The following IKBKG variants were observed in gnomAD, a reference collection of about 807,000 sequenced individuals.
IKBKG encodes NF-kappa-B essential modulator.
IKBKG carries 2 observed loss-of-function variants against 13.7 expected under a neutral mutation model. The observed-to-expected ratio is 0.15, with a 90% CI of 0.06 to 0.46. The LOEUF (loss-of-function observed/expected upper bound fraction) is 0.46. Ranked by LOEUF, IKBKG falls within the 20% of genes least tolerant of loss-of-function variation. The pLI is 0.98. For synonymous variants in IKBKG, 22 were observed against 64.4 expected, an observed-to-expected ratio of 0.34 and a Z score of 3.15; for missense variants, 53 against 150.3, an observed-to-expected ratio of 0.35 and a Z score of 3.39.
chrX:154,552,578 G>T (rs1369612651), intron 2 of IKBKG, among the ~76,000 whole-genome samples: 1 of 109,432 alleles, frequency 9.1e-6, no homozygotes, highest in East Asian at 2.9e-4. Flanking sequence ...GGGCAGAGTC[G>T]GCGCTGGGAA....
chrX:154,551,438 G>A (rs1295628461), intron 1 of IKBKG, among the ~76,000 whole-genome samples: 4 of 110,768 alleles, frequency 3.6e-5, no homozygotes, highest in Non-Finnish European at 5.7e-5. Flanking sequence ...CTCCCCTTGC[G>A]TCTCCCTCTG....
upstream of IKBKG, chrX:154,542,409 G>C: frequency 8.3e-7 from 1 of 1,200,754 alleles, no homozygotes; most frequent in Non-Finnish European, 1.1e-6. Context: ...TGCTGTTCCA[G>C]GCGCACACTA....
intron 2 of IKBKG, among the ~76,000 whole-genome samples, chrX:154,552,866 C>T (rs2070971410): frequency 8.9e-6 from 1 of 112,378 alleles, no homozygotes; most frequent in African/African-American, 3.2e-5. Flanking sequence ...GGCTCAGCTG[C>T]ACGCTCCTGC....
chrX:154,550,298 A>T (rs2070895398), intron 1 of IKBKG, among the ~76,000 whole-genome samples: 1 of 103,728 alleles, frequency 9.6e-6, no homozygotes, highest in Non-Finnish European at 2.0e-5. Flanking sequence ...GAGAGAATCA[A>T]AAAAGACTTT....
At chrX:154,543,149 G>GA (rs1372468479), upstream of IKBKG, among the ~76,000 whole-genome samples, 6 of 112,034 alleles carry the variant, frequency 5.4e-5, no homozygotes, top group African/African-American at 1.6e-4. Flanking sequence ...GCAGGAAGAG[G>GA]AAAAAACAAA....
intron 2 of IKBKG, among the ~76,000 whole-genome samples, chrX:154,552,691 C>T (rs1557235349): frequency 9.0e-6 from 1 of 110,658 alleles, no homozygotes; most frequent in African/African-American, 3.3e-5. Flanking sequence ...AGGTGCGTGG[C>T]CCCCACAGGC....
At chrX:154,547,467 C>T, upstream of IKBKG, 1 of 755,180 alleles carries the variant, frequency 1.3e-6, no homozygotes, top group Non-Finnish European at 1.6e-6. Context: ...CTTATCATTA[C>T]CGAGCTTCCG....
At position 154,552,033 on chromosome X, in the gene IKBKG, T is replaced by C; in HGVS notation, c.31T>C (p.Cys11Arg). Residue 11 changes from cysteine to arginine, a missense_variant, in exon 2 of 10, where the codon TGT becomes CGT. Cys to Arg is a radical substitution (Grantham distance 180, BLOSUM62 -3). Coordinates refer to ENST00000594239, the MANE Select transcript of IKBKG (RefSeq NM_001099857.5). ...TAGGCACCTCTGGAAGAGCCAACTG[T>C]GTGAGATGGTGCAGCCCAGTGGTGG... MNRHLWKSQL[C>R]EMVQPSGGPA... 8.9e-7 allele frequency: 1 copy of C among 1,129,160 alleles called. No homozygotes were observed. Among genetic ancestry groups the C allele is most frequent in the African/African-American group, 1.8e-5 (1 of 55,394 alleles). 93.1% of individuals were successfully genotyped at this position (1,129,160 alleles called of 1,213,427 possible).
At chrX:154,541,618 G>A (rs1397056880) in intron 1 of IKBKG, among the ~76,000 whole-genome samples, 2 of 111,682 alleles carry the variant, frequency 1.8e-5, no homozygotes, top group Non-Finnish European at 3.8e-5. Context: ...ATGTGGGTGG[G>A]GGCAATTCAA....
chrX:154,544,414 C>T (rs1032634476), upstream of IKBKG, among the ~76,000 whole-genome samples: 2 of 111,433 alleles, frequency 1.8e-5, no homozygotes, highest in Admixed American at 1.9e-4. Context: ...CCCACCTTGG[C>T]CCCCCAAAGT....
intron 1 of IKBKG, among the ~76,000 whole-genome samples, chrX:154,551,112 AT>A (rs55905799): frequency 0.027 from 2,344 of 88,295 alleles, 43 homozygotes; most frequent in Non-Finnish European, 0.04. Context: ...GTGACCGGCA[AT>A]TTTTTTTTTT....
rs782141440 is a variant in IKBKG at position 154,552,135 on chromosome X, C to G, written c.133C>G (p.Gln45Glu). ...AGCCATGCTGCACCTGCCTTCAGAA[C>G]AGGGCGCTCCTGAGACCCTCCAGCG... Reference protein sequence around the residue: ...KPAMLHLPSEQGAPETLQRCL... With the variant: ...KPAMLHLPSEEGAPETLQRCL... The change falls in exon 2 of 10, where the codon CAG becomes GAG. Residue 45 changes from glutamine (Q) to glutamate (E), a missense_variant. By Grantham distance (29) the Gln-to-Glu change is conservative (BLOSUM62 2). This residue lies in a region of IKBKG where 47 missense variants were observed against 50.0 expected (regional missense o/e 0.94). Transcript: ENST00000594239. 8.4e-7 allele frequency: 1 copy of G among 1,194,338 alleles called. No individual in the cohort carries two copies. The highest frequency in any genetic ancestry group is 1.1e-6 in the Non-Finnish European group (1 of 883,661).
upstream of IKBKG, chrX:154,547,415 G>A (rs2070774423): frequency 1.3e-6 from 1 of 754,164 alleles, no homozygotes; most frequent in African/African-American, 2.3e-5. Context: ...CGAGAGACGA[G>A]GGGGCGTGTA....
At chrX:154,549,624 C>T (rs2070872960) in intron 1 of IKBKG, among the ~76,000 whole-genome samples, 1 of 111,441 alleles carries the variant, frequency 9.0e-6, no homozygotes, top group African/African-American at 3.3e-5. Context: ...ATTAGCATGT[C>T]ACACAGTTCA....
At chrX:154,541,640 T>A (rs1301411550) in intron 1 of IKBKG, among the ~76,000 whole-genome samples, 3 of 111,653 alleles carry the variant, frequency 2.7e-5, no homozygotes, top group Admixed American at 1.9e-4. Flanking sequence ...GGGTCCTTAG[T>A]GAAAAGCAGT....
chrX:154,555,329 C>T (rs782369119), intron 2 of IKBKG, among the ~76,000 whole-genome samples: 49 of 111,665 alleles, frequency 4.4e-4, no homozygotes, highest in African/African-American at 1.5e-3. Context: ...GAGATGTAGG[C>T]CAGGGAGGAC....
At chrX:154,554,912 TAGTTGCTATAG>T (rs2071021806) in intron 2 of IKBKG, among the ~76,000 whole-genome samples, 1 of 111,174 alleles carries the variant, frequency 9.0e-6, no homozygotes, top group South Asian at 3.8e-4. Context: ...TCCAGCTCTG[TAGTTGCTATAG>T]AGTTGCTAGA....
upstream of IKBKG, among the ~76,000 whole-genome samples, chrX:154,544,264 C>T (rs782518192): frequency 1.8e-5 from 2 of 110,808 alleles, no homozygotes; most frequent in East Asian, 2.8e-4. Flanking sequence ...CTGATTCAAG[C>T]GATTCTACTG....
chrX:154,548,664 A>G (rs932518682), intron 1 of IKBKG, among the ~76,000 whole-genome samples: 1 of 111,893 alleles, frequency 8.9e-6, no homozygotes, highest in African/African-American at 3.2e-5. Context: ...CCTGGGTTCA[A>G]GCGATTCTCC....
Sources: gnomAD v4.1 joint callset for allele counts (sites outside exome capture counted in the v4.1 genomes callset) on GRCh38, gnomAD v4.1.1 for gene constraint, gnomAD v4.1.1 regional missense constraint, MANE v1.5 for transcripts, NCBI Gene and HGNC (gene_info 2026-07-23, HGNC 2026-07-21) for gene names.